SKI: variants seen among roughly 807,000 people sequenced by gnomAD.
SKI encodes the protein SKI proto-oncogene.
A neutral mutation model predicts 59.3 loss-of-function variants in SKI; 23 were observed. The ratio of observed to expected loss-of-function variants is 0.39; its 90% CI spans 0.28 to 0.55. The LOEUF is 0.55. SKI is among the 20% of genes least tolerant of loss of function. SKI has a pLI of 0.67. For synonymous variants in SKI, 673 were observed against 488.6 expected, an observed-to-expected ratio of 1.38 and a Z score of -4.98; for missense variants, 1,017 against 1,038.9, an observed-to-expected ratio of 0.98 and a Z score of 0.29.
rs1279966099 is a variant in SKI, at chr1:2,228,643, G to A, written c.-124G>A. 3 of 336,692 alleles carry A rather than the reference G, an allele frequency of 8.9e-6. No individual in the cohort carries two copies. Among genetic ancestry groups the A allele is most frequent in the Non-Finnish European group, 1.2e-5 (3 of 241,242 alleles). 20.9% of individuals were successfully genotyped at this position (336,692 alleles called of 1,614,324 possible). ...AGGCCGCGGCCGTGATCGGCCGTGA[G>A]CCGGCGGCGGGGGGCGGCCGGGGTC... is the stretch of plus-strand genomic sequence containing the variant. On this transcript the variant is annotated 5_prime_UTR_variant, in exon 1 of 7. Transcript: ENST00000378536.
At chr1:2,284,430 G>A (rs575531007) in intron 1 of SKI, among the ~76,000 whole-genome samples, 4 of 152,332 alleles carry the variant, frequency 2.6e-5, no homozygotes, top group African/African-American at 7.2e-5. Flanking sequence ...TTATCTCATG[G>A]AAACCTAAAA....
chr1:2,239,487 A>G (rs1569690124), intron 1 of SKI, among the ~76,000 whole-genome samples: 1 of 152,150 alleles, frequency 6.6e-6, no homozygotes. Context: ...GAACGGGAGA[A>G]CCTTCATCCC....
At chr1:2,290,427 C>T (rs1640136081) in intron 1 of SKI, among the ~76,000 whole-genome samples, 1 of 152,204 alleles carries the variant, frequency 6.6e-6, no homozygotes, top group Admixed American at 6.5e-5. Flanking sequence ...GCCTGAGCAC[C>T]TCTCTGGCTG....
intron 1 of SKI, among the ~76,000 whole-genome samples, chr1:2,255,066 A>G (rs897130953): frequency 6.6e-6 from 1 of 151,896 alleles, no homozygotes; most frequent in Admixed American, 6.6e-5. Flanking sequence ...CGGTCACCCT[A>G]CCATGCGGCC....
At chr1:2,292,925 G>A (rs1195302705) in intron 1 of SKI, among the ~76,000 whole-genome samples, 1 of 152,228 alleles carries the variant, frequency 6.6e-6, no homozygotes, top group South Asian at 2.1e-4. Flanking sequence ...CCCTCTCCCA[G>A]CCGAGGATGT....
At position 2,304,324 on chromosome 1, in the gene SKI, G is replaced by A. The variant is rs975738197; in HGVS notation, c.1506G>A (p.Pro502=). ...FTSSLSSLSS[P]SFTSSSSAKD... ...CCTCCTTGTCCTCGCTCTCTTCCCC[G>A]TCCTTTACCTCATCCAGCTCCGCCA... Residue 502 remains proline (P), a synonymous_variant, in exon 5 of 7, where the codon CCG becomes CCA. Coordinates refer to ENST00000378536, the MANE Select transcript of SKI (RefSeq NM_003036.4). 7 of 1,551,478 alleles carry A rather than the reference G, an allele frequency of 4.5e-6. No individual in the cohort carries two copies. The highest frequency in any genetic ancestry group is 1.4e-5 in the African/African-American group (1 of 73,014).
intron 1 of SKI, among the ~76,000 whole-genome samples, chr1:2,266,123 A>G (rs2100846067): frequency 6.6e-6 from 1 of 151,922 alleles, no homozygotes; most frequent in South Asian, 2.1e-4. Flanking sequence ...CTGATAATTC[A>G]CCACTCCTGT....
chr1:2,305,254 G>A (rs1640540354), intron 5 of SKI, among the ~76,000 whole-genome samples: 1 of 152,190 alleles, frequency 6.6e-6, no homozygotes, highest in Non-Finnish European at 1.5e-5. Context: ...ACATGACTGA[G>A]GGAAGTGCGG....
intron 1 of SKI, among the ~76,000 whole-genome samples, chr1:2,287,921 G>A (rs1409583792): frequency 6.6e-6 from 1 of 152,012 alleles, no homozygotes; most frequent in African/African-American, 2.4e-5. Flanking sequence ...GGCGCTCCTG[G>A]CCCTGGCCTG....
chr1:2,277,262 T>G (rs1639763152), intron 1 of SKI, among the ~76,000 whole-genome samples: 1 of 152,122 alleles, frequency 6.6e-6, no homozygotes, highest in Non-Finnish European at 1.5e-5. Context: ...CCCAGCTAAT[T>G]TTTGTAGTTT....
chr1:2,306,464 A>T (rs1640583532), intron 6 of SKI, 113 bp from the exon 7 acceptor site: 1 of 1,165,730 alleles, frequency 8.6e-7, no homozygotes, highest in East Asian at 2.6e-5. Context: ...AGGGGCCGGC[A>T]CGCGGCACTG....
intron 1 of SKI, among the ~76,000 whole-genome samples, chr1:2,302,261 C>T (rs767080949): frequency 3.9e-5 from 6 of 152,182 alleles, no homozygotes; most frequent in Non-Finnish European, 7.4e-5. Flanking sequence ...TGGGCACCTT[C>T]GCTAAGCTTC....
chr1:2,240,160 G>A (rs1458407920), intron 1 of SKI, among the ~76,000 whole-genome samples: 1 of 152,194 alleles, frequency 6.6e-6, no homozygotes. Flanking sequence ...CCAGGACCCC[G>A]CAGGGTGGCC....
chr1:2,300,052 T>C (rs1373372905), intron 1 of SKI, among the ~76,000 whole-genome samples: 1 of 152,180 alleles, frequency 6.6e-6, no homozygotes, highest in Non-Finnish European at 1.5e-5. Flanking sequence ...GTCCACAGTC[T>C]TGGGCCCGCT....
In SKI at chr1:2,229,621, C is replaced by T. The variant is rs1368309114; in HGVS notation, c.855C>T (p.Ile285=). The T allele has an allele frequency of 2.5e-6, 4 of 1,612,554 alleles. No individual in the cohort carries two copies. The highest frequency in any genetic ancestry group is 1.3e-5 in the African/African-American group (1 of 75,078). The change falls in exon 1 of 7, where the codon ATC becomes ATT. Residue 285 remains isoleucine (I), a synonymous_variant. Transcript: ENST00000378536. The surrounding 1 kb of genome is among the most constrained non-coding windows in gnomAD (Gnocchi z 6.3). The part of the protein sequence containing the change: ...GFDSANWRAY[I]LLSQDYTGKE... ...ACTCGGCCAACTGGCGGGCCTACAT[C>T]CTGCTGAGCCAGGATTACACGGGCA...
At chr1:2,294,944 T>G (rs1640250162) in intron 1 of SKI, among the ~76,000 whole-genome samples, 1 of 152,234 alleles carries the variant, frequency 6.6e-6, no homozygotes, top group Non-Finnish European at 1.5e-5. Flanking sequence ...AGACTTGACC[T>G]CAGGGTGGTG....
chr1:2,297,314 C>T (rs981887225), intron 1 of SKI, among the ~76,000 whole-genome samples: 4 of 152,182 alleles, frequency 2.6e-5, no homozygotes, highest in African/African-American at 7.2e-5. Context: ...GAATAGCAGA[C>T]GGGTTTTCAG....
intron 1 of SKI, among the ~76,000 whole-genome samples, chr1:2,233,384 G>T (rs11577042): frequency 0.14 from 21,786 of 152,094 alleles, 1,963 homozygotes; most frequent in African/African-American, 0.25. Flanking sequence ...CACCTGCCAC[G>T]TGCAGTCTGG....
rs980003658 is a variant in SKI, at chr1:2,268,050, G to A, written c.970-34928G>A. Among the ~76,000 whole-genome samples the A allele has an allele frequency of 2.0e-5, 3 of 152,202 alleles. No individual in the cohort carries two copies. In the East Asian group the frequency reaches 5.8e-4, roughly 29 times the overall value. On this transcript the variant is annotated intron_variant, in intron 1 of 6. Coordinates refer to ENST00000378536, the MANE Select transcript of SKI (RefSeq NM_003036.4). This position sits in a 1 kb window ranked among gnomAD's most constrained non-coding sequence, Gnocchi z 5.0. ...TCACCCTTAGAAGCAGGTTCCCACA[G>A]GCCAGGGCACTCCCAACAGCACTGC...
Sources: allele counts gnomAD v4.1 joint callset (sites outside exome capture counted in the v4.1 genomes callset), GRCh38; gene constraint gnomAD v4.1.1; non-coding constraint Gnocchi (gnomAD v3.1); transcripts MANE v1.5; gene names NCBI Gene and HGNC (gene_info 2026-07-23, HGNC 2026-07-21).